The following RBFOX2 variants were observed in gnomAD, a reference collection of about 807,000 sequenced individuals.
The protein encoded by RBFOX2 is RNA binding protein fox-1 homolog 2.
RBFOX2 carries 10 observed loss-of-function variants against 49.1 expected under a neutral mutation model. The ratio of observed to expected loss-of-function variants is 0.20; its 90% CI spans 0.13 to 0.35. RBFOX2 has a LOEUF of 0.35. RBFOX2 is among the 10% of genes least tolerant of loss of function. RBFOX2 has a pLI of 1.00. For missense variants in RBFOX2, 323 were observed against 486.9 expected (o/e 0.66, Z 3.17); for synonymous variants, 183 against 187.4 (o/e 0.98, Z 0.19).
intron 1 of RBFOX2, among the ~76,000 whole-genome samples, chr22:35,911,091 G>T (rs917268026): frequency 6.6e-6 from 1 of 152,142 alleles, no homozygotes; most frequent in African/African-American, 2.4e-5. Flanking sequence ...TGCTTAGGTT[G>T]TAACATAGTT....
At chr22:36,015,333 T>G (rs1382142028) in intron 1 of RBFOX2, among the ~76,000 whole-genome samples, 1 of 152,216 alleles carries the variant, frequency 6.6e-6, no homozygotes, top group Non-Finnish European at 1.5e-5. Context: ...GTACTCTGCA[T>G]TCTTTTAAAC....
intron 2 of RBFOX2, among the ~76,000 whole-genome samples, chr22:35,795,108 C>A (rs1263205039): frequency 6.6e-6 from 1 of 152,092 alleles, no homozygotes; most frequent in African/African-American, 2.4e-5. Flanking sequence ...CCTTATGGAT[C>A]CAGCTTGGAA....
At position 36,013,648 on chromosome 22, in the gene RBFOX2, C is replaced by CACAG. The variant is rs1260073505; in HGVS notation, c.186+14591_186+14592insCTGT. ...ACAAACACACACACACACACACACA[C>CACAG]AGAGAGAGAGAGAGAGAGAGAGACC... On this transcript the variant is annotated intron_variant, in intron 1 of 13. Coordinates refer to the RBFOX2 transcript ENST00000438146. 3.4e-3 allele frequency among the ~76,000 whole-genome samples: 499 copies of CACAG among 148,046 alleles called. 3 individuals carry two copies. Among genetic ancestry groups the CACAG allele is most frequent in the African/African-American group, 0.012 (477 of 40,322 alleles).
At chr22:35,930,546 C>T (rs1004630409) in intron 1 of RBFOX2, among the ~76,000 whole-genome samples, 2 of 151,790 alleles carry the variant, frequency 1.3e-5, no homozygotes, top group African/African-American at 4.8e-5. Flanking sequence ...CTGCTAATTT[C>T]TGGGCAGGCG....
At chr22:35,757,923 T>A (rs1937486126) in intron 9 of RBFOX2, among the ~76,000 whole-genome samples, 1 of 152,188 alleles carries the variant, frequency 6.6e-6, no homozygotes, top group Admixed American at 6.5e-5. Context: ...CAAATAAGCC[T>A]TCTATAAAGA....
chr22:35,843,529 A>T (rs2148887359), upstream of RBFOX2, among the ~76,000 whole-genome samples: 1 of 152,300 alleles, frequency 6.6e-6, no homozygotes, highest in East Asian at 1.9e-4. Context: ...AAGTCACTGA[A>T]GACCTCCAAA....
intron 1 of RBFOX2, among the ~76,000 whole-genome samples, chr22:35,960,310 A>T (rs575239682): frequency 3.6e-4 from 55 of 152,182 alleles, no homozygotes; most frequent in African/African-American, 1.3e-3. Context: ...TTCCCATTTT[A>T]CACATGAGGA....
Position 35,888,567 on chromosome 22 carries a change from G to A in RBFOX2, c.-34+50280C>T, listed in dbSNP as rs1047827335. The stretch of plus-strand genomic sequence containing the variant: ...TTTGGCTCACAGTTCTGCAGGTTGT[G>A]CAAGAAGTGTGGCACTGGCACCTGC... On this transcript the variant is annotated intron_variant, in intron 1 of 13. Coordinates refer to the RBFOX2 transcript ENST00000359369. Among the ~76,000 whole-genome samples the A allele has an allele frequency of 1.3e-5, 2 of 152,176 alleles. 1 individual carries two copies. Among genetic ancestry groups the A allele is most frequent in the African/African-American group, 4.8e-5 (2 of 41,418 alleles).
At chr22:36,015,259 ATG>A (rs1353359126) in intron 1 of RBFOX2, among the ~76,000 whole-genome samples, 9 of 152,248 alleles carry the variant, frequency 5.9e-5, no homozygotes, top group Non-Finnish European at 1.2e-4. Context: ...GTAAAATCTT[ATG>A]TAAGTATGTA....
chr22:36,005,212 C>T (rs1032820482), intron 1 of RBFOX2, among the ~76,000 whole-genome samples: 2 of 152,212 alleles, frequency 1.3e-5, no homozygotes, highest in African/African-American at 4.8e-5. Context: ...GGAAAGTCAA[C>T]ATGCCTCCCT....
At chr22:35,812,680 A>G (rs1420958650) in intron 1 of RBFOX2, among the ~76,000 whole-genome samples, 1 of 152,250 alleles carries the variant, frequency 6.6e-6, no homozygotes, top group Non-Finnish European at 1.5e-5. Context: ...ACAGGAATCC[A>G]TAAGAAAGTT....
chr22:35,836,686 C>T (rs1198768975), intron 1 of RBFOX2, among the ~76,000 whole-genome samples: 1 of 152,232 alleles, frequency 6.6e-6, no homozygotes, highest in Non-Finnish European at 1.5e-5. Flanking sequence ...CAGAAACTGG[C>T]AGTCTTATAC....
intron 1 of RBFOX2, among the ~76,000 whole-genome samples, chr22:35,838,337 C>T (rs892029971): frequency 2.0e-5 from 3 of 150,848 alleles, no homozygotes; most frequent in African/African-American, 7.3e-5. Flanking sequence ...CACTCGGCCA[C>T]AAATAAACAC....
At chr22:35,966,638 T>C (rs368292009), upstream of RBFOX2, among the ~76,000 whole-genome samples, 1 of 152,194 alleles carries the variant, frequency 6.6e-6, no homozygotes, top group East Asian at 1.9e-4. Context: ...AAGTAACTAC[T>C]CAAATATTTT....
intron 2 of RBFOX2, among the ~76,000 whole-genome samples, chr22:35,787,979 C>A (rs1271170147): frequency 1.3e-5 from 2 of 152,194 alleles, no homozygotes; most frequent in Non-Finnish European, 2.9e-5. Flanking sequence ...AACTCATCTT[C>A]CCTGGTGCAG....
intron 1 of RBFOX2, among the ~76,000 whole-genome samples, chr22:35,959,730 T>C (rs772355582): frequency 6.6e-6 from 1 of 152,186 alleles, no homozygotes; most frequent in Non-Finnish European, 1.5e-5. Context: ...ATCTAAAAAC[T>C]ACAGATTTCC....
intron 1 of RBFOX2, among the ~76,000 whole-genome samples, chr22:35,894,665 G>A (rs549811691): frequency 6.6e-6 from 1 of 152,098 alleles, no homozygotes; most frequent in African/African-American, 2.4e-5. Flanking sequence ...ATCACCGCTA[G>A]GTTTTAAAAA....
intron 1 of RBFOX2, among the ~76,000 whole-genome samples, chr22:35,871,827 G>A (rs546543500): frequency 3.9e-4 from 59 of 152,260 alleles, no homozygotes; most frequent in Non-Finnish European, 4.6e-4. Flanking sequence ...TAAGGGTAAT[G>A]TTTAACCCCT....
At chr22:35,776,273 A>C (rs1052204439) in intron 4 of RBFOX2, among the ~76,000 whole-genome samples, 1 of 152,228 alleles carries the variant, frequency 6.6e-6, no homozygotes, top group Non-Finnish European at 1.5e-5. Context: ...TATAAGCATA[A>C]ATAGTTTACT....
Sources: gnomAD v4.1 joint callset for allele counts (sites outside exome capture counted in the v4.1 genomes callset) on GRCh38, gnomAD v4.1.1 for gene constraint, MANE v1.5 for transcripts, NCBI Gene and HGNC (gene_info 2026-07-23, HGNC 2026-07-21) for gene names.